The following ARIH2 variants were observed in gnomAD, a reference collection of about 807,000 sequenced individuals.
The protein encoded by ARIH2 is ariadne RBR E3 ubiquitin protein ligase 2.
In ARIH2, 12 loss-of-function variants were observed where a neutral mutation model predicts 79.8. That is an observed-to-expected ratio of 0.15 (90% CI 0.10 to 0.24). The LOEUF is 0.24. Ranked by LOEUF, ARIH2 falls within the 10% of genes least tolerant of loss-of-function variation. The probability of loss-of-function intolerance (pLI) is 1.00; values close to 1 mark genes in which losing one functional copy is unlikely to be tolerated. For missense variants in ARIH2, 301 were observed against 618.3 expected, an observed-to-expected ratio of 0.49 and a Z score of 5.44; for synonymous variants, 224 against 213.9, an observed-to-expected ratio of 1.05 and a Z score of -0.41.
At chr3:48,962,030 G>T (rs927483007) in intron 4 of ARIH2, among the ~76,000 whole-genome samples, 5 of 152,104 alleles carry the variant, frequency 3.3e-5, no homozygotes, top group African/African-American at 1.2e-4. Context: ...ACTTCTTTTG[G>T]ATACGTCAAC....
chr3:48,932,526 C>T (rs934004950), intron 3 of ARIH2, among the ~76,000 whole-genome samples: 2 of 152,108 alleles, frequency 1.3e-5, no homozygotes, highest in Non-Finnish European at 2.9e-5. Flanking sequence ...CAGTAGTTAG[C>T]CAATAATTTT....
intron 2 of ARIH2, among the ~76,000 whole-genome samples, chr3:48,925,376 G>C (rs1325248715): frequency 6.6e-6 from 1 of 151,230 alleles, no homozygotes; most frequent in Non-Finnish European, 1.5e-5. Context: ...GCCTCCCAAA[G>C]TGCTGGGATT....
intron 2 of ARIH2, among the ~76,000 whole-genome samples, chr3:48,925,787 C>T (rs1446063141): frequency 2.7e-5 from 4 of 149,844 alleles, no homozygotes; most frequent in East Asian, 3.9e-4. Flanking sequence ...GGCGGGATCT[C>T]GGCTCACTGC....
At chr3:48,967,048 A>G in intron 5 of ARIH2, 77 bp from the exon 6 acceptor site, 2 of 1,482,284 alleles carry the variant, frequency 1.3e-6, no homozygotes, top group South Asian at 2.5e-5. Flanking sequence ...CTTTCCATGC[A>G]CCCGGCTGCA....
Position 48,948,132 on chromosome 3 carries a change from T to C in ARIH2, c.256-13480T>C, listed in dbSNP as rs184304851. ...CCCACCACCACGCCTGGCTAATTTT[T>C]TTATATTTTTAGTAGAGATGGAGTT... On this transcript the variant is annotated intron_variant, in intron 3 of 15. Transcript: ENST00000356401. 3.1e-3 allele frequency among the ~76,000 whole-genome samples: 462 copies of C among 148,126 alleles called. 2 individuals are homozygous for C. Among genetic ancestry groups the C allele is most frequent in the Middle Eastern group, 7.4e-3 (2 of 272 alleles).
At chr3:48,972,217 A>G (rs2092277882) in intron 8 of ARIH2, among the ~76,000 whole-genome samples, 1 of 152,234 alleles carries the variant, frequency 6.6e-6, no homozygotes, top group African/African-American at 2.4e-5. Flanking sequence ...TGTTTAAACA[A>G]GGTATTTAAC....
chr3:48,921,925 G>A (rs933007814), intron 1 of ARIH2, among the ~76,000 whole-genome samples: 1 of 151,990 alleles, frequency 6.6e-6, no homozygotes, highest in Non-Finnish European at 1.5e-5. Flanking sequence ...TATGAGTAAT[G>A]TGACATAAAT....
chr3:48,956,106 T>C (rs902066677), intron 3 of ARIH2, among the ~76,000 whole-genome samples: 49 of 152,172 alleles, frequency 3.2e-4, no homozygotes, highest in Middle Eastern at 3.4e-3. Flanking sequence ...CAATCTTCTG[T>C]GTACTATCAA....
chr3:48,947,432 ACT>A (rs2089331150), intron 3 of ARIH2, among the ~76,000 whole-genome samples: 1 of 120,170 alleles, frequency 8.3e-6, no homozygotes, highest in African/African-American at 3.1e-5. Context: ...CAAAAGCAAA[ACT>A]CTGTCTCAAA....
rs1553702241 is a variant in ARIH2, at chr3:48,940,808, A to AT, written c.255+12995_255+12996insT. ...AGACTCCGTCTCAAAAAAAAAAAAA[A>AT]ATATATATATATATATATATAGCCA... is the stretch of plus-strand genomic sequence containing the variant. On this transcript the variant is annotated intron_variant, in intron 3 of 15. Coordinates refer to ENST00000356401, the MANE Select transcript of ARIH2 (RefSeq NM_006321.4). 1.8e-3 allele frequency among the ~76,000 whole-genome samples: 177 copies of AT among 98,060 alleles called. 1 individual carries two copies. The highest frequency in any genetic ancestry group is 6.4e-3 in the Middle Eastern group (1 of 156). 64.3% of individuals were successfully genotyped at this position (98,060 alleles called of 152,430 possible). A position where few individuals can be genotyped will look rare whatever the true frequency, so the allele number is the denominator to read the frequency against.
chr3:48,943,302 A>G (rs1175604849), intron 3 of ARIH2: 1 of 151,960 alleles, frequency 6.6e-6, no homozygotes, highest in Non-Finnish European at 1.5e-5. Context: ...TATTGTCAGC[A>G]TCTCCGCCCT....
intron 3 of ARIH2, among the ~76,000 whole-genome samples, chr3:48,935,900 A>C (rs2087040825): frequency 6.6e-6 from 1 of 152,068 alleles, no homozygotes; most frequent in Non-Finnish European, 1.5e-5. Flanking sequence ...GGTGCGTCTG[A>C]GTGTGCGTAT....
At chr3:48,940,338 A>G (rs1481191840) in intron 3 of ARIH2, among the ~76,000 whole-genome samples, 2 of 151,974 alleles carry the variant, frequency 1.3e-5, no homozygotes, top group Non-Finnish European at 1.5e-5. Context: ...AAAAAGATAG[A>G]TAGATAGATT....
chr3:48,979,456 A>C, intron 11 of ARIH2, 26 bp from the exon 12 acceptor site: 4 of 1,607,474 alleles, frequency 2.5e-6, no homozygotes, highest in Non-Finnish European at 3.4e-6. Context: ...TGTAGATGTA[A>C]ATGACTCTTC....
intron 11 of ARIH2, among the ~76,000 whole-genome samples, chr3:48,975,548 A>G (rs1411082937): frequency 6.6e-6 from 1 of 151,764 alleles, no homozygotes; most frequent in Non-Finnish European, 1.5e-5. Context: ...GATGCTCAAC[A>G]GGAGCCCCTG....
intron 14 of ARIH2, 29 bp downstream of exon 14, chr3:48,981,757 C>T (rs1247541586): frequency 1.3e-6 from 2 of 1,583,476 alleles, no homozygotes; most frequent in Non-Finnish European, 1.7e-6. Context: ...TCTACTCTGT[C>T]CCGTTAGCCT....
At chr3:48,951,602 CTA>C (rs1172772695) in intron 3 of ARIH2, among the ~76,000 whole-genome samples, 3 of 152,030 alleles carry the variant, frequency 2.0e-5, no homozygotes, top group African/African-American at 7.3e-5. Context: ...AATGTCTTTA[CTA>C]TATAAAGAGC....
chr3:48,928,743 T>C (rs1052079954), intron 3 of ARIH2, among the ~76,000 whole-genome samples: 9 of 152,044 alleles, frequency 5.9e-5, no homozygotes, highest in Non-Finnish European at 1.0e-4. Context: ...TTTTTTTTTT[T>C]CCCCAGATGG....
intron 14 of ARIH2, 92 bp from the exon 15 acceptor site, chr3:48,982,804 G>C: frequency 1.2e-6 from 1 of 864,712 alleles, no homozygotes; most frequent in Non-Finnish European, 2.0e-6. Context: ...GTTCCTGTGA[G>C]CCTGAGGTGC....
Sources: gnomAD v4.1 joint callset for allele counts (sites outside exome capture counted in the v4.1 genomes callset) on GRCh38, gnomAD v4.1.1 for gene constraint, MANE v1.5 for transcripts, NCBI Gene and HGNC (gene_info 2026-07-23, HGNC 2026-07-21) for gene names.